Variants in MAP4K5 observed in about 807,000 individuals in gnomAD.
MAP4K5 encodes the protein MAPK/ERK kinase kinase kinase 5.
MAP4K5 carries 82 observed loss-of-function variants against 135.6 expected under a neutral mutation model. That is an observed-to-expected ratio of 0.60 (90% CI 0.51 to 0.73). The LOEUF is 0.73. Among genes scored for constraint, MAP4K5 ranks in the 30% least tolerant of loss-of-function variants. MAP4K5 has a pLI of 0.00. For synonymous variants in MAP4K5, 347 were observed against 335.0 expected (o/e 1.04, Z -0.39); for missense variants, 907 against 1,010.9 (o/e 0.90, Z 1.39).
intron 3 of MAP4K5, among the ~76,000 whole-genome samples, chr14:50,499,164 C>T (rs1052559781): frequency 2.7e-5 from 4 of 150,536 alleles, no homozygotes; most frequent in Middle Eastern, 3.4e-3. Context: ...GCTGAAGATA[C>T]GAAGAATTTG....
chr14:50,437,782 A>C, intron 25 of MAP4K5, 112 bp downstream of exon 25: 1 of 764,430 alleles, frequency 1.3e-6, no homozygotes, highest in Non-Finnish European at 2.2e-6. Flanking sequence ...ACTTTAGTTT[A>C]AACTACCTTT....
intron 31 of MAP4K5, among the ~76,000 whole-genome samples, chr14:50,423,488 G>A (rs984954258): frequency 6.6e-6 from 1 of 151,734 alleles, no homozygotes; most frequent in Middle Eastern, 3.2e-3. Flanking sequence ...TCATAGAATG[G>A]GTAGACTCAA....
chr14:50,554,141 G>A (rs549986123), intron 1 of MAP4K5, among the ~76,000 whole-genome samples: 15 of 151,234 alleles, frequency 9.9e-5, no homozygotes, highest in Middle Eastern at 6.9e-3. Context: ...AAACCAATAC[G>A]TACCCTTAGA....
At chr14:50,533,548 T>G (rs1871359771), upstream of MAP4K5, among the ~76,000 whole-genome samples, 1 of 152,184 alleles carries the variant, frequency 6.6e-6, no homozygotes, top group African/African-American at 2.4e-5. Flanking sequence ...TCAGTTCCAG[T>G]CTTGCTCTGA....
At chr14:50,468,608 T>G (rs749605789) in intron 10 of MAP4K5, 43 bp downstream of exon 10, 2 of 1,594,970 alleles carry the variant, frequency 1.3e-6, no homozygotes, top group African/African-American at 2.7e-5. Flanking sequence ...ACTTTCCCCA[T>G]AGACTTGATC....
At chr14:50,480,549 C>T (rs2037215586) in intron 6 of MAP4K5, among the ~76,000 whole-genome samples, 1 of 152,026 alleles carries the variant, frequency 6.6e-6, no homozygotes, top group African/African-American at 2.4e-5. Context: ...TAAGTAAGAA[C>T]ATGTGATGTT....
chr14:50,425,358 G>A (rs2035823099), intron 31 of MAP4K5, among the ~76,000 whole-genome samples: 1 of 152,068 alleles, frequency 6.6e-6, no homozygotes. Flanking sequence ...AATATGAATA[G>A]TATCTACTTC....
At chr14:50,482,227 T>G in intron 6 of MAP4K5, 134 bp downstream of exon 6, 1 of 522,254 alleles carries the variant, frequency 1.9e-6, no homozygotes, top group Non-Finnish European at 3.4e-6. Flanking sequence ...AGAAAAATCA[T>G]TTTGTTTTAC....
chr14:50,453,364 A>G (rs865855987), intron 14 of MAP4K5, among the ~76,000 whole-genome samples: 2 of 152,170 alleles, frequency 1.3e-5, no homozygotes, highest in African/African-American at 2.4e-5. Flanking sequence ...CTTGCCATTC[A>G]TAAAGCTGAA....
At chr14:50,503,322 C>T (rs2037745736) in intron 3 of MAP4K5, among the ~76,000 whole-genome samples, 1 of 151,948 alleles carries the variant, frequency 6.6e-6, no homozygotes, top group Non-Finnish European at 1.5e-5. Flanking sequence ...CCATGTTATT[C>T]TTTTTTGGGG....
intron 3 of MAP4K5, among the ~76,000 whole-genome samples, chr14:50,494,549 T>C (rs577259836): frequency 6.6e-6 from 1 of 152,258 alleles, no homozygotes; most frequent in Admixed American, 6.5e-5. Flanking sequence ...TGGTAACATT[T>C]TTTTTTGCAG....
intron 2 of MAP4K5, among the ~76,000 whole-genome samples, chr14:50,509,169 G>A (rs1031442069): frequency 6.6e-6 from 1 of 151,584 alleles, no homozygotes; most frequent in African/African-American, 2.4e-5. Flanking sequence ...ACTCATAGGT[G>A]GGAATTGAAC....
intron 2 of MAP4K5, among the ~76,000 whole-genome samples, chr14:50,521,347 A>G (rs565466964): frequency 2.4e-4 from 36 of 152,348 alleles, no homozygotes; most frequent in African/African-American, 7.2e-4. Flanking sequence ...ACAGCATGGC[A>G]GACAATGTGT....
At chr14:50,514,869 T>G (rs1057331817) in intron 2 of MAP4K5, among the ~76,000 whole-genome samples, 1 of 151,878 alleles carries the variant, frequency 6.6e-6, no homozygotes, top group Non-Finnish European at 1.5e-5. Flanking sequence ...CCTATCTTCC[T>G]GTAGCTATCA....
intron 2 of MAP4K5, among the ~76,000 whole-genome samples, chr14:50,512,314 T>G (rs1463917087): frequency 6.6e-6 from 1 of 152,150 alleles, no homozygotes; most frequent in Non-Finnish European, 1.5e-5. Context: ...CATTTATGTT[T>G]CAATTTAATA....
intron 1 of MAP4K5, among the ~76,000 whole-genome samples, chr14:50,557,073 C>G (rs986899197): frequency 1.3e-5 from 2 of 152,096 alleles, no homozygotes; most frequent in Non-Finnish European, 1.5e-5. Context: ...AGACTTTTTC[C>G]CAAAGTATCT....
intron 2 of MAP4K5, among the ~76,000 whole-genome samples, chr14:50,542,139 C>T (rs774084947): frequency 3.5e-4 from 53 of 149,356 alleles, no homozygotes; most frequent in Admixed American, 7.4e-4. Context: ...GACTCCTGAC[C>T]ACAGGATACT....
At chr14:50,433,203 C>A (rs539061443) in intron 28 of MAP4K5, among the ~76,000 whole-genome samples, 2 of 152,312 alleles carry the variant, frequency 1.3e-5, no homozygotes, top group South Asian at 4.1e-4. Context: ...TGTACCTTTT[C>A]TGTTAGCTGT....
intron 3 of MAP4K5, among the ~76,000 whole-genome samples, chr14:50,494,987 A>C (rs969664422): frequency 2.0e-5 from 3 of 152,222 alleles, no homozygotes; most frequent in South Asian, 2.1e-4. Context: ...AGAAGAAATC[A>C]CAGAAGAAAA....
Sources: gnomAD v4.1 joint callset for allele counts (sites outside exome capture counted in the v4.1 genomes callset) on GRCh38, gnomAD v4.1.1 for gene constraint, MANE v1.5 for transcripts, NCBI Gene and HGNC (gene_info 2026-07-23, HGNC 2026-07-21) for gene names.